NUP107: variants seen among roughly 807,000 people sequenced by gnomAD.
NUP107 encodes the protein nucleoporin 107, also known as nuclear pore complex protein Nup107.
A neutral mutation model predicts 141.0 loss-of-function variants in NUP107; 101 were observed. The observed-to-expected ratio is 0.72, with a 90% CI of 0.61 to 0.84. NUP107 has a LOEUF of 0.84. Among genes scored for constraint, NUP107 ranks in the 40% least tolerant of loss-of-function variants. The pLI is 0.00. For missense variants in NUP107, 941 were observed against 1,102.7 expected (o/e 0.85, Z 2.08); for synonymous variants, 319 against 363.9 (o/e 0.88, Z 1.41).
At chr12:68,730,235 TGAGA>T (rs2136042997) in intron 20 of NUP107, among the ~76,000 whole-genome samples, 1 of 147,498 alleles carries the variant, frequency 6.8e-6, no homozygotes, top group South Asian at 2.2e-4. Context: ...TTTTTTTTTT[TGAGA>T]GAGTCTCACT....
rs1875549931 is a variant in NUP107 at position 68,687,372 on chromosome 12, G to T, written c.8+299G>T. On this transcript the variant is annotated intron_variant, in intron 1 of 27. Transcript: ENST00000229179. The stretch of plus-strand genomic sequence containing the variant: ...GGGTGGGCGGGGTAGGTAGCGCGGC[G>T]TTCGAAATGCTAAGTGACCAGCCTG... 5 of 990,776 alleles carry T rather than the reference G, an allele frequency of 5.0e-6. No homozygotes were observed. The South Asian group carries it at 1.7e-4, about 34-fold the overall frequency. 61.4% of individuals were successfully genotyped at this position (990,776 alleles called of 1,614,324 possible).
At chr12:68,719,703 T>C in intron 14 of NUP107, 49 bp downstream of exon 14, 1 of 1,306,068 alleles carries the variant, frequency 7.7e-7, no homozygotes, top group East Asian at 2.3e-5. Flanking sequence ...TCCAATTAAT[T>C]GAAAGCCTAT....
chr12:68,717,601 T>C (rs1176669236), intron 12 of NUP107, among the ~76,000 whole-genome samples: 1 of 152,160 alleles, frequency 6.6e-6, no homozygotes, highest in African/African-American at 2.4e-5. Flanking sequence ...CCATCACCAC[T>C]GTCTGTTTCT....
At chr12:68,736,744 A>C in intron 26 of NUP107, among the ~76,000 whole-genome samples, 2 of 126,168 alleles carry the variant, frequency 1.6e-5, no homozygotes, top group Admixed American at 8.5e-5. Flanking sequence ...TTTTTTGAGA[A>C]AGAGTTTTGC....
rs750029611 is a variant in NUP107 at position 68,722,169 on chromosome 12, A to G, written c.1506+17A>G. 4 of 1,606,274 alleles carry G rather than the reference A, an allele frequency of 2.5e-6. No homozygotes were observed. The East Asian group carries it at 8.9e-5, about 36-fold the overall frequency. On this transcript the variant is annotated intron_variant, in intron 17 of 27. Coordinates refer to ENST00000229179, the MANE Select transcript of NUP107 (RefSeq NM_020401.4). Reference sequence around the variant, plus strand: ...GACAAAAAGGTAAATGTTAATAGGAATATGTTAGGTATCTGGAATAGGAAA... The same window carrying G: ...GACAAAAAGGTAAATGTTAATAGGAGTATGTTAGGTATCTGGAATAGGAAA...
At chr12:68,696,209 C>T (rs1437046687) in intron 5 of NUP107, among the ~76,000 whole-genome samples, 1 of 150,830 alleles carries the variant, frequency 6.6e-6, no homozygotes, top group Non-Finnish European at 1.5e-5. Flanking sequence ...ACTAAAAATA[C>T]AACAAGTTGG....
chr12:68,709,099 T>C, intron 8 of NUP107, 139 bp from the exon 9 acceptor site: 1 of 580,450 alleles, frequency 1.7e-6, no homozygotes, highest in Non-Finnish European at 3.0e-6. Flanking sequence ...TATACAGATT[T>C]ACTATGTGGT....
At chr12:68,701,678 CA>C (rs529229953) in intron 7 of NUP107, among the ~76,000 whole-genome samples, 18 of 142,722 alleles carry the variant, frequency 1.3e-4, no homozygotes, top group East Asian at 4.1e-4. Flanking sequence ...GACTCCATCT[CA>C]AAAAAAAAAT....
intron 19 of NUP107, among the ~76,000 whole-genome samples, chr12:68,727,030 G>A (rs1358922268): frequency 6.6e-6 from 1 of 152,164 alleles, no homozygotes; most frequent in Non-Finnish European, 1.5e-5. Flanking sequence ...TTGAAAGCTT[G>A]GGCTTTGGAG....
At chr12:68,696,711 C>T (rs1300753044) in intron 5 of NUP107, 108 bp from the exon 6 acceptor site, 1 of 645,212 alleles carries the variant, frequency 1.5e-6, no homozygotes, top group African/African-American at 1.8e-5. Flanking sequence ...GAAACTCCAT[C>T]TCAAAAAATA....
intron 20 of NUP107, among the ~76,000 whole-genome samples, chr12:68,730,746 C>G (rs948158464): frequency 1.3e-5 from 2 of 152,166 alleles, no homozygotes; most frequent in Non-Finnish European, 2.9e-5. Flanking sequence ...GGGCAGATCA[C>G]TTGAGCCCAG....
Position 68,722,153 on chromosome 12 carries a change from G to A in NUP107, c.1506+1G>A, listed in dbSNP as rs761109040. Reference sequence around the variant, plus strand: ...GGAACTTCAAGCTACTGACAAAAAGGTAAATGTTAATAGGAATATGTTAGG... The same window carrying A: ...GGAACTTCAAGCTACTGACAAAAAGATAAATGTTAATAGGAATATGTTAGG... On this transcript the variant is annotated splice_donor_variant, in intron 17 of 27. Transcript: ENST00000229179. LOFTEE classifies it high-confidence loss of function. 6.2e-7 allele frequency: 1 copy of A among 1,612,902 alleles called. No homozygotes were observed. Among genetic ancestry groups the A allele is most frequent in the Non-Finnish European group, 8.5e-7 (1 of 1,179,158 alleles).
In NUP107 at chr12:68,693,085, A is replaced by AT. The variant is rs912996097; in HGVS notation, c.448+984dup. Reference sequence around the variant, plus strand: ...TTTTTATTTATTTATTTATTTATTTATTTTTTTTTTTAGACGGAGTCTCAC... The same window carrying AT: ...TTTTTATTTATTTATTTATTTATTTATTTTTTTTTTTTAGACGGAGTCTCAC... On this transcript the variant is annotated intron_variant, in intron 5 of 27. Transcript: ENST00000229179. Among the ~76,000 whole-genome samples, 63 of 132,112 alleles carry AT rather than the reference A, an allele frequency of 4.8e-4. No homozygotes were observed. In the East Asian group the frequency reaches 8.3e-3, roughly 17 times the overall value. The allele number at this position is 132,112 out of a possible 152,430, so 86.7% of individuals were successfully genotyped here.
At chr12:68,706,629 G>T (rs571602265) in intron 8 of NUP107, 4 of 705,062 alleles carry the variant, frequency 5.7e-6, no homozygotes, top group Non-Finnish European at 7.9e-6. Context: ...CCTGGAGGCC[G>T]CCATCGCAGA....
At chr12:68,698,259 C>CA (rs1876166635) in intron 6 of NUP107, among the ~76,000 whole-genome samples, 1 of 151,830 alleles carries the variant, frequency 6.6e-6, no homozygotes, top group African/African-American at 2.4e-5. Context: ...TCTGCAAAAA[C>CA]AAACAAAAAA....
At chr12:68,708,440 T>C (rs1382280406) in intron 8 of NUP107, among the ~76,000 whole-genome samples, 1 of 152,202 alleles carries the variant, frequency 6.6e-6, no homozygotes, top group East Asian at 1.9e-4. Flanking sequence ...TTTAATATAC[T>C]GCTTAGTATT....
At chr12:68,709,972 T>TA (rs1876771159) in intron 9 of NUP107, 33 bp from the exon 10 acceptor site, 1 of 1,217,150 alleles carries the variant, frequency 8.2e-7, no homozygotes, top group Non-Finnish European at 1.2e-6. Flanking sequence ...ATTTGGTAGT[T>TA]AACACTAATT....
At position 68,722,150 on chromosome 12, in the gene NUP107, A is replaced by G; in HGVS notation, c.1504A>G (p.Lys502Glu). 1 of 1,613,254 alleles carries G rather than the reference A, an allele frequency of 6.2e-7. No homozygotes were observed. Among genetic ancestry groups the G allele is most frequent in the Non-Finnish European group, 8.5e-7 (1 of 1,179,392 alleles). Reference protein sequence around the residue: ...VFEELQATDKKRVLEENQEHY... With the variant: ...VFEELQATDKERVLEENQEHY... ...TGAGGAACTTCAAGCTACTGACAAA[A>G]AGGTAAATGTTAATAGGAATATGTT... Residue 502 changes from lysine (K) to glutamate (E), a missense_variant and splice_region_variant, in exon 17 of 28, where the codon AAG becomes GAG. Transcript: ENST00000229179.
chr12:68,710,619 C>T (rs1367367381), intron 10 of NUP107, among the ~76,000 whole-genome samples: 3 of 140,762 alleles, frequency 2.1e-5, no homozygotes, highest in African/African-American at 2.6e-5. Flanking sequence ...CATGCCATTG[C>T]ACTCCAGCCT....
Sources: allele counts gnomAD v4.1 joint callset (sites outside exome capture counted in the v4.1 genomes callset), GRCh38; gene constraint gnomAD v4.1.1; transcripts MANE v1.5; gene names NCBI Gene and HGNC (gene_info 2026-07-23, HGNC 2026-07-21).